Variants in PLEKHG5 observed in about 807,000 individuals in gnomAD.
The protein encoded by PLEKHG5 is pleckstrin homology and RhoGEF domain containing G5.
In PLEKHG5, 52 loss-of-function variants were observed where a neutral mutation model predicts 103.8. That is an observed-to-expected ratio of 0.50 (90% CI 0.40 to 0.63). PLEKHG5 has a LOEUF of 0.63. Ranked by LOEUF, PLEKHG5 falls within the 30% of genes least tolerant of loss-of-function variation. The pLI is 0.00. For synonymous variants in PLEKHG5, 592 were observed against 575.5 expected (o/e 1.03, Z -0.41); for missense variants, 1,205 against 1,347.6 (o/e 0.89, Z 1.66).
intron 1 of PLEKHG5, among the ~76,000 whole-genome samples, chr1:6,479,260 C>A (rs1258108798): frequency 6.7e-6 from 1 of 149,824 alleles, no homozygotes; most frequent in Non-Finnish European, 1.5e-5. Context: ...TCACACGTGG[C>A]ATTTGGTTAT....
intron 3 of PLEKHG5, 89 bp downstream of exon 3, chr1:6,475,842 G>T: frequency 9.1e-7 from 1 of 1,101,556 alleles, no homozygotes. Flanking sequence ...CTTGAGGAAG[G>T]CGCCAGAGCA....
rs967572264 is a variant in PLEKHG5 at position 6,470,617 on chromosome 1, G to A, written c.1569C>T (p.His523=). 8 of 1,591,794 alleles carry A rather than the reference G, an allele frequency of 5.0e-6. No homozygotes were observed. The highest frequency in any genetic ancestry group is 1.1e-5 in the South Asian group (1 of 89,412). ...AMIGSVERFI[H]HVNACMRQRQ... is the part of the protein sequence containing the mutation. ...GCTGCCGCATGCACGCGTTCACGTG[G>A]TGGATGAAGCGCTCCACGGAGCCGA... The change falls in exon 15 of 21, where the codon CAC becomes CAT. Residue 523 remains histidine (H), a synonymous_variant. Transcript: ENST00000377728.
At chr1:6,484,199 T>C (rs954483914) in intron 1 of PLEKHG5, among the ~76,000 whole-genome samples, 1 of 152,128 alleles carries the variant, frequency 6.6e-6, no homozygotes, top group Admixed American at 6.5e-5. Flanking sequence ...ATTCAACAAA[T>C]ACGGACTGAG....
chr1:6,497,297 G>T, upstream of PLEKHG5: 1 of 1,044,564 alleles, frequency 9.6e-7, no homozygotes, highest in East Asian at 2.8e-5. The surrounding 1 kb of genome is among the most constrained non-coding windows in gnomAD (Gnocchi z 6.1). Flanking sequence ...CCCCGCGTCC[G>T]CCGGGTCCCC....
upstream of PLEKHG5, chr1:6,496,910 G>A (rs777602010): frequency 1.4e-6 from 2 of 1,445,648 alleles, no homozygotes; most frequent in Non-Finnish European, 1.8e-6. Context: ...TCCCGGCAGG[G>A]CTGCTGGGGG....
rs371250725 is a variant in PLEKHG5 at position 6,519,507 on chromosome 1, T to A, written c.-227A>T. 6 of 1,613,692 alleles carry A rather than the reference T, an allele frequency of 3.7e-6. No individual in the cohort carries two copies. In the African/African-American group the frequency reaches 6.7e-5, roughly 18 times the overall value. On this transcript the variant is annotated 5_prime_UTR_variant, in exon 1 of 22. Coordinates refer to the PLEKHG5 transcript ENST00000377740. ...AGACCCATGTTTTGTCAGGACTGAA[T>A]TCATGCTTGACCTCTGCGGTGGTGG... is the stretch of plus-strand genomic sequence containing the variant.
At chr1:6,472,234 G>A (rs1056973947) in intron 10 of PLEKHG5, among the ~76,000 whole-genome samples, 14 of 152,254 alleles carry the variant, frequency 9.2e-5, no homozygotes, top group African/African-American at 2.9e-4. Flanking sequence ...CGTCCAGGGC[G>A]TGGCCTGCTG....
chr1:6,474,501 G>C lies in PLEKHG5; in HGVS notation c.389C>G (p.Ser130Cys). 3 of 1,613,982 alleles carry C rather than the reference G, an allele frequency of 1.9e-6. No individual in the cohort carries two copies. Among genetic ancestry groups the C allele is most frequent in the Non-Finnish European group, 2.5e-6 (3 of 1,179,978 alleles). ...IYLDQSNTPL[S>C]LTFEAYRFGG... ...GAACCTGTAGGCCTCGAAGGTGAGG[G>C]ACAGGGGTGTGTTGGACTGGTCCAG... The change falls in exon 6 of 21, where the codon TCC becomes TGC. Residue 130 changes from serine (S) to cysteine (C), a missense_variant. Ser to Cys is a moderately radical substitution (Grantham distance 112, BLOSUM62 -1). Coordinates refer to ENST00000377728, the MANE Select transcript of PLEKHG5 (RefSeq NM_020631.6).
intron 1 of PLEKHG5, among the ~76,000 whole-genome samples, chr1:6,479,580 C>G (rs1024483437): frequency 2.6e-5 from 4 of 151,852 alleles, no homozygotes; most frequent in Non-Finnish European, 5.9e-5. Context: ...GCCACCGTGC[C>G]CAGCCTTGTT....
intron 1 of PLEKHG5, among the ~76,000 whole-genome samples, chr1:6,485,100 G>T (rs1443498217): frequency 6.6e-6 from 1 of 152,150 alleles, no homozygotes; most frequent in Non-Finnish European, 1.5e-5. Flanking sequence ...GAATTGGCGG[G>T]GACATCTCAG....
Position 6,472,602 on chromosome 1 carries a change from G to C in PLEKHG5, c.1005C>G (p.Cys335Trp). The change falls in exon 10 of 21, where the codon TGC (cysteine) becomes TGG (tryptophan). Residue 335 changes from cysteine (C) to tryptophan (W), a missense_variant. By Grantham distance (215) the Cys-to-Trp change is radical. Transcript: ENST00000377728. ...GCTCCCACACCGCCTCCTGCTGGTG[G>C]CACTGCCGCCGGGTCAGCTTCTAGA... ...DGHEKLTRRQ[C>W]HQQEAVWELL... The C allele has an allele frequency of 6.2e-7, 1 of 1,612,838 alleles. No individual in the cohort carries two copies. Among genetic ancestry groups the C allele is most frequent in the Non-Finnish European group, 8.5e-7 (1 of 1,179,464 alleles).
intron 1 of PLEKHG5, among the ~76,000 whole-genome samples, chr1:6,478,984 T>C (rs1644832899): frequency 6.6e-6 from 1 of 152,140 alleles, no homozygotes; most frequent in South Asian, 2.1e-4. Flanking sequence ...ATTATAAGAA[T>C]AGCACATGAC....
At chr1:6,474,221 C>T in intron 6 of PLEKHG5, 57 bp from the exon 7 acceptor site, 1 of 1,588,572 alleles carries the variant, frequency 6.3e-7, no homozygotes, top group Non-Finnish European at 8.6e-7. Flanking sequence ...AGGAGGGGGT[C>T]CCCGGTCCTC....
At chr1:6,494,118 ATTTTTTTTTTTTTT>A (rs36105555), upstream of PLEKHG5, among the ~76,000 whole-genome samples, 184 of 75,740 alleles carry the variant, frequency 2.4e-3, 1 homozygote, top group Non-Finnish European at 2.3e-3. Context: ...CACCTGGCTA[ATTTTTTTTTTTTTT>A]TTTTTTTTTT....
In PLEKHG5 at chr1:6,491,318, C is replaced by G. The variant is rs1366172772; in HGVS notation, c.-88+319G>C. On this transcript the variant is annotated intron_variant, in intron 1 of 20. Coordinates refer to ENST00000377728, the MANE Select transcript of PLEKHG5 (RefSeq NM_020631.6). The surrounding 1 kb of genome is among the most constrained non-coding windows in gnomAD (Gnocchi z 4.1). ...ATACAGCCTTCCCCCGACCCCTTCC[C>G]AGGCCAAAACCTCCAGACTGCCCCA... is the stretch of plus-strand genomic sequence containing the variant. 6.6e-6 allele frequency among the ~76,000 whole-genome samples: 1 copy of G among 152,164 alleles called. No individual in the cohort carries two copies. The highest frequency in any genetic ancestry group is 1.5e-5 in the Non-Finnish European group (1 of 68,026).
chr1:6,494,377 C>T (rs189114483), upstream of PLEKHG5, among the ~76,000 whole-genome samples: 1,214 of 151,972 alleles, frequency 8.0e-3, 14 homozygotes, highest in African/African-American at 0.027. Flanking sequence ...GCAATCTGCC[C>T]GCCTTGGCCT....
upstream of PLEKHG5, among the ~76,000 whole-genome samples, chr1:6,501,668 G>A (rs1294061280): frequency 6.6e-6 from 1 of 152,176 alleles, no homozygotes; most frequent in Non-Finnish European, 1.5e-5. The surrounding 1 kb of genome is among the most constrained non-coding windows in gnomAD (Gnocchi z 4.3). Context: ...ATTTGCCCAA[G>A]GTCACACAAG....
intron 1 of PLEKHG5, among the ~76,000 whole-genome samples, chr1:6,480,662 T>A (rs1644875693): frequency 6.6e-6 from 1 of 151,978 alleles, no homozygotes; most frequent in Admixed American, 6.5e-5. Flanking sequence ...TTCCTTTTTT[T>A]TTTTGAGACA....
At chr1:6,494,690 T>C (rs1645198161), upstream of PLEKHG5, among the ~76,000 whole-genome samples, 1 of 152,236 alleles carries the variant, frequency 6.6e-6, no homozygotes, top group Non-Finnish European at 1.5e-5. Flanking sequence ...CTGTTCTGTC[T>C]ATCCATGTTT....
Sources: gnomAD v4.1 joint callset for allele counts (sites outside exome capture counted in the v4.1 genomes callset) on GRCh38, gnomAD v4.1.1 for gene constraint, Gnocchi (gnomAD v3.1) non-coding constraint, MANE v1.5 for transcripts, NCBI Gene and HGNC (gene_info 2026-07-23, HGNC 2026-07-21) for gene names.